Variants in SLC8A1 observed in about 807,000 individuals in gnomAD.
SLC8A1 encodes solute carrier family 8 member A1.
SLC8A1 carries 18 observed loss-of-function variants against 68.3 expected under a neutral mutation model. The ratio of observed to expected loss-of-function variants is 0.26; its 90% confidence interval spans 0.18 to 0.39. The LOEUF (loss-of-function observed/expected upper bound fraction) is 0.39, where lower values mean the gene tolerates loss of function less well. Ranked by LOEUF, SLC8A1 falls within the 10% of genes least tolerant of loss-of-function variation. The pLI, the probability that SLC8A1 is intolerant of heterozygous loss-of-function variation, is 1.00. For synonymous variants in SLC8A1, 475 were observed against 415.5 expected (o/e 1.14, Z -1.74); for missense variants, 985 against 1,156.7 (o/e 0.85, Z 2.15).
chr2:40,299,769 A>G (rs2071090339), intron 2 of SLC8A1, among the ~76,000 whole-genome samples: 1 of 152,212 alleles, frequency 6.6e-6, no homozygotes, highest in African/African-American at 2.4e-5. Context: ...GAGTTTCAGC[A>G]TAATAATCCC....
chr2:40,256,386 T>C (rs902676252), intron 2 of SLC8A1, among the ~76,000 whole-genome samples: 2 of 152,188 alleles, frequency 1.3e-5, no homozygotes, highest in Non-Finnish European at 2.9e-5. Flanking sequence ...AATTCAAGAA[T>C]GTATGATCAT....
At chr2:40,254,126 T>A (rs2063472261) in intron 2 of SLC8A1, among the ~76,000 whole-genome samples, 1 of 152,136 alleles carries the variant, frequency 6.6e-6, no homozygotes, top group African/African-American at 2.4e-5. Context: ...TATCAAAGCA[T>A]CACACATACT....
chr2:40,398,545 C>G (rs1332415605), intron 2 of SLC8A1, among the ~76,000 whole-genome samples: 1 of 152,150 alleles, frequency 6.6e-6, no homozygotes, highest in Non-Finnish European at 1.5e-5. Context: ...AGGTGACCCA[C>G]TAACACAATT....
intron 1 of SLC8A1, among the ~76,000 whole-genome samples, chr2:40,470,122 T>C (rs184523612): frequency 6.6e-6 from 1 of 152,284 alleles, no homozygotes; most frequent in African/African-American, 2.4e-5. Flanking sequence ...CTGCATACTC[T>C]TCTTATTTTC....
chr2:40,200,245 T>TATATAA (rs2054059762), intron 2 of SLC8A1, among the ~76,000 whole-genome samples: 1 of 16,854 alleles, frequency 5.9e-5, no homozygotes, highest in African/African-American at 1.5e-4. Flanking sequence ...TATAAATATA[T>TATATAA]ATATATATAT....
chr2:40,364,155 T>C (rs527702293), intron 2 of SLC8A1, among the ~76,000 whole-genome samples: 7 of 152,254 alleles, frequency 4.6e-5, no homozygotes, highest in Non-Finnish European at 7.4e-5. Flanking sequence ...ACTTTTCAGA[T>C]ATTTTTAAAG....
chr2:40,264,647 C>T (rs2065125273), intron 2 of SLC8A1, among the ~76,000 whole-genome samples: 1 of 152,080 alleles, frequency 6.6e-6, no homozygotes, highest in South Asian at 2.1e-4. Context: ...GGGAATTGAA[C>T]AATGAGAACA....
At position 40,158,110 on chromosome 2, in the gene SLC8A1, CAAAGA is replaced by C. The variant is rs1223388886; in HGVS notation, c.2161+2650_2161+2654del. ...TAATTTTGCACAGAAAATTGCATAG[CAAAGA>C]AACCTCTCAGTAGAGCCCTTTAAAA... On this transcript the variant is annotated intron_variant, in intron 6 of 7. Transcript: ENST00000406785. 3.9e-5 allele frequency among the ~76,000 whole-genome samples: 6 copies of C among 152,200 alleles called. No individual in the cohort carries two copies. The East Asian group carries it at 1.2e-3, about 29-fold the overall frequency.
At chr2:40,441,256 C>A (rs1276887300) in intron 1 of SLC8A1, among the ~76,000 whole-genome samples, 1 of 152,030 alleles carries the variant, frequency 6.6e-6, no homozygotes, top group Non-Finnish European at 1.5e-5. Flanking sequence ...AACTACAAAC[C>A]ACTGCTCAAG....
chr2:40,348,030 T>A (rs1669894212), intron 2 of SLC8A1, among the ~76,000 whole-genome samples: 1 of 152,194 alleles, frequency 6.6e-6, no homozygotes, highest in South Asian at 2.1e-4. Context: ...TGCTTCTTTA[T>A]TTACTGAAGG....
intron 1 of SLC8A1, among the ~76,000 whole-genome samples, chr2:40,438,117 T>C (rs909424276): frequency 1.3e-5 from 2 of 152,122 alleles, no homozygotes; most frequent in African/African-American, 2.4e-5. Context: ...AAGCTAGAGA[T>C]TTCAATTATA....
chr2:40,459,110 A>C (rs767154), intron 1 of SLC8A1, among the ~76,000 whole-genome samples: 75,372 of 152,022 alleles, frequency 0.5, 19,410 homozygotes, highest in Middle Eastern at 0.57. Flanking sequence ...CATCAGTAGA[A>C]GTTTCTACTC....
chr2:40,224,315 A>G (rs975560911), intron 2 of SLC8A1, among the ~76,000 whole-genome samples: 2 of 152,152 alleles, frequency 1.3e-5, no homozygotes, highest in African/African-American at 4.8e-5. Context: ...AGAGGCCAAC[A>G]GTGTACTTTG....
intron 1 of SLC8A1, among the ~76,000 whole-genome samples, chr2:40,437,294 C>A (rs1018870655): frequency 7.9e-5 from 12 of 152,124 alleles, no homozygotes; most frequent in African/African-American, 2.9e-4. Flanking sequence ...CCCTTCTTCC[C>A]ACCTGAATAA....
chr2:40,184,645 A>T (rs372352992), intron 2 of SLC8A1, among the ~76,000 whole-genome samples: 10 of 152,276 alleles, frequency 6.6e-5, no homozygotes, highest in East Asian at 1.9e-4. Context: ...CGCAGAAGAC[A>T]GTAATGCCTC....
At chr2:40,490,876 C>T (rs1040382054) in intron 1 of SLC8A1, among the ~76,000 whole-genome samples, 7 of 151,962 alleles carry the variant, frequency 4.6e-5, no homozygotes, top group African/African-American at 1.4e-4. Flanking sequence ...TCATATGCAT[C>T]GTACTGAGAT....
At chr2:40,185,963 G>A (rs895330503) in intron 2 of SLC8A1, among the ~76,000 whole-genome samples, 2 of 152,080 alleles carry the variant, frequency 1.3e-5, no homozygotes, top group African/African-American at 4.8e-5. Flanking sequence ...CCACTGCTGT[G>A]TCTGTCTGTA....
chr2:40,212,540 C>T (rs2056799034), intron 2 of SLC8A1, among the ~76,000 whole-genome samples: 1 of 152,060 alleles, frequency 6.6e-6, no homozygotes, highest in African/African-American at 2.4e-5. Context: ...GTGTGGTCCT[C>T]CCAAACTCCT....
chr2:40,358,553 T>C (rs2149471463), intron 2 of SLC8A1, among the ~76,000 whole-genome samples: 1 of 152,312 alleles, frequency 6.6e-6, no homozygotes, highest in East Asian at 1.9e-4. Flanking sequence ...TCTAATCCTA[T>C]TTATTCTCTT....
Sources: allele counts gnomAD v4.1 joint callset (sites outside exome capture counted in the v4.1 genomes callset), GRCh38; gene constraint gnomAD v4.1.1; transcripts MANE v1.5; gene names NCBI Gene and HGNC (gene_info 2026-07-23, HGNC 2026-07-21).